The following C9 variants were observed in gnomAD, a reference collection of about 807,000 sequenced individuals.
C9 encodes complement component C9.
Under a neutral mutation model 65.4 loss-of-function variants are expected in C9, and 63 were observed. The observed-to-expected ratio is 0.96, with a 90% CI of 0.79 to 1.19. C9 has a LOEUF of 1.19. C9 is among the 50% of genes most tolerant of loss of function. The pLI is 0.00. For missense variants in C9, 744 were observed against 670.1 expected, an observed-to-expected ratio of 1.11 and a Z score of -1.22; for synonymous variants, 229 against 227.9, an observed-to-expected ratio of 1.00 and a Z score of -0.04.
In C9 at chr5:39,308,443, A is replaced by T. The variant is rs1012432672; in HGVS notation, c.1112-85T>A. 15 of 984,366 alleles carry T rather than the reference A, an allele frequency of 1.5e-5. 1 individual carries two copies. The highest frequency in any genetic ancestry group is 2.2e-4 in the Middle Eastern group (1 of 4,482). The allele number at this position is 984,366 out of a possible 1,614,324, so 61.0% of individuals were successfully genotyped here. ...TCCAATTTTGCTATTTTCAAGCAAC[A>T]TCCTTACTTAGGTTCCTATACACCA... is the stretch of plus-strand genomic sequence containing the variant. On this transcript the variant is annotated intron_variant, in intron 7 of 10. Transcript: ENST00000263408.
At chr5:39,291,076 A>G (rs995740979) in intron 9 of C9, among the ~76,000 whole-genome samples, 2 of 151,942 alleles carry the variant, frequency 1.3e-5, no homozygotes, top group African/African-American at 2.4e-5. Context: ...ACAAGGAAAT[A>G]ACACAACATG....
intron 1 of C9, among the ~76,000 whole-genome samples, chr5:39,355,553 G>C (rs759664610): frequency 3.3e-5 from 5 of 151,924 alleles, no homozygotes; most frequent in African/African-American, 4.8e-5. Context: ...CCCGGACTGT[G>C]ACTTGAATTC....
At chr5:39,296,668 A>T (rs1339013758) in intron 9 of C9, among the ~76,000 whole-genome samples, 1 of 151,700 alleles carries the variant, frequency 6.6e-6, no homozygotes, top group Non-Finnish European at 1.5e-5. Context: ...AGCATTATTC[A>T]CAGTAGCCAC....
chr5:39,306,767 T>G lies in C9; in HGVS notation c.1266A>C (p.Ile422=), dbSNP rs1426275297. The G allele has an allele frequency of 6.2e-7, 1 of 1,612,472 alleles. No individual in the cohort carries two copies. The highest frequency in any genetic ancestry group is 8.5e-7 in the Non-Finnish European group (1 of 1,178,658). ...CTCTTATGAGTGAAACAACATCATC[T>G]ATGAGGTTTTCACTGGTGATGTTTA... ...RAVNITSENL[I]DDVVSLIRGG... The change falls in exon 9 of 11, where the codon ATA becomes ATC. Residue 422 remains isoleucine (I), a synonymous_variant. Transcript: ENST00000263408.
At chr5:39,327,040 G>A (rs753558313) in intron 5 of C9, among the ~76,000 whole-genome samples, 49 of 151,934 alleles carry the variant, frequency 3.2e-4, no homozygotes, top group South Asian at 2.1e-4. Context: ...CAAAAAGCAC[G>A]TATTATACAG....
chr5:39,348,515 G>A (rs1754252161), intron 1 of C9, among the ~76,000 whole-genome samples: 2 of 152,146 alleles, frequency 1.3e-5, no homozygotes, highest in African/African-American at 2.4e-5. Context: ...AAAAAGTCAG[G>A]AAACAACTGG....
chr5:39,310,897 T>C (rs1753469805), intron 7 of C9, among the ~76,000 whole-genome samples: 1 of 152,202 alleles, frequency 6.6e-6, no homozygotes, highest in Non-Finnish European at 1.5e-5. Flanking sequence ...TGCAATACAA[T>C]GGATCCATCT....
chr5:39,286,744 A>C (rs1444725895), intron 10 of C9, among the ~76,000 whole-genome samples: 1 of 151,924 alleles, frequency 6.6e-6, no homozygotes. Context: ...GCAAAGCACT[A>C]GATTGAGACT....
At chr5:39,345,110 C>G (rs569688990) in intron 1 of C9, among the ~76,000 whole-genome samples, 30 of 152,076 alleles carry the variant, frequency 2.0e-4, no homozygotes, top group Non-Finnish European at 4.1e-4. Context: ...GAAACTGCAT[C>G]AACTAATGAG....
At position 39,316,035 on chromosome 5, in the gene C9, A is replaced by G; in HGVS notation, c.616-6T>C. ...AAATTTTTCTCGCCTTTGGTCTAAAAGAGAATAAAAAAGTGTTGTTAAAAA... is the reference window on the plus strand; with the variant it reads ...AAATTTTTCTCGCCTTTGGTCTAAAGGAGAATAAAAAAGTGTTGTTAAAAA... On this transcript the variant is annotated splice_region_variant and splice_polypyrimidine_tract_variant and intron_variant, in intron 5 of 10. Coordinates refer to ENST00000263408, the MANE Select transcript of C9 (RefSeq NM_001737.5). 1.2e-6 allele frequency: 2 copies of G among 1,608,392 alleles called. No homozygotes were observed. Among genetic ancestry groups the G allele is most frequent in the Non-Finnish European group, 1.7e-6 (2 of 1,176,076 alleles).
intron 9 of C9, among the ~76,000 whole-genome samples, chr5:39,296,496 G>T (rs1438013736): frequency 1.3e-5 from 2 of 151,524 alleles, no homozygotes; most frequent in Non-Finnish European, 3.0e-5. Context: ...CACTGTTGGT[G>T]GGAATGTAAA....
In C9 at chr5:39,288,847, T is replaced by C; in HGVS notation, c.1521A>G (p.Val507=). 1.2e-6 allele frequency: 2 copies of C among 1,610,888 alleles called. No homozygotes were observed. The highest frequency in any genetic ancestry group is 1.7e-6 in the Non-Finnish European group (2 of 1,177,452). Reference sequence around the variant, plus strand: ...CATTTTGGCATGTGTGGCATTTTCTTACACTAAATTCATTGATATAGTCTT... The same window carrying C: ...CATTTTGGCATGTGTGGCATTTTCTCACACTAAATTCATTGATATAGTCTT... ...AIEDYINEFS[V]RKCHTCQNGG... is the part of the protein sequence containing the mutation. The change falls in exon 10 of 11, where the codon GTA becomes GTG. Residue 507 remains valine (V), a synonymous_variant. Transcript: ENST00000263408.
intron 8 of C9, among the ~76,000 whole-genome samples, chr5:39,307,996 G>A (rs1012121282): frequency 1.3e-5 from 2 of 152,136 alleles, no homozygotes; most frequent in African/African-American, 4.8e-5. Flanking sequence ...AATGACTACC[G>A]TGTGAATCAC....
intron 5 of C9, among the ~76,000 whole-genome samples, chr5:39,327,346 C>T (rs1014177034): frequency 6.6e-6 from 1 of 152,142 alleles, no homozygotes; most frequent in Admixed American, 6.5e-5. Flanking sequence ...ACTAAGAACA[C>T]TATTTTGAGT....
intron 8 of C9, 68 bp from the exon 9 acceptor site, chr5:39,306,860 C>T (rs1753390860): frequency 9.1e-7 from 1 of 1,093,120 alleles, no homozygotes. Context: ...ATCAAAAGGA[C>T]ATATGATAAA....
intron 1 of C9, among the ~76,000 whole-genome samples, chr5:39,360,440 T>C (rs192764497): frequency 1.1e-4 from 17 of 152,272 alleles, no homozygotes; most frequent in Non-Finnish European, 2.1e-4. Context: ...AATCTAGTAC[T>C]CCTTAGTTAT....
chr5:39,343,085 C>T (rs1466878289), intron 1 of C9, among the ~76,000 whole-genome samples: 1 of 152,176 alleles, frequency 6.6e-6, no homozygotes, highest in Non-Finnish European at 1.5e-5. Flanking sequence ...AGCTCGTTTA[C>T]AGCTCCCAGC....
chr5:39,332,873 A>G (rs1022471858), intron 4 of C9, among the ~76,000 whole-genome samples: 3 of 152,252 alleles, frequency 2.0e-5, no homozygotes, highest in Admixed American at 6.5e-5. Flanking sequence ...GTTAAAAACA[A>G]CATCTTTATA....
Position 39,315,847 on chromosome 5 carries a change from G to A in C9, c.798C>T (p.Gly266=), listed in dbSNP as rs1254820923. 1 of 1,610,388 alleles carries A rather than the reference G, an allele frequency of 6.2e-7. No homozygotes were observed. The highest frequency in any genetic ancestry group is 8.5e-7 in the Non-Finnish European group (1 of 1,176,892). The change falls in exon 6 of 11, where the codon GGC becomes GGT. Residue 266 remains glycine, a synonymous_variant. Coordinates refer to ENST00000263408, the MANE Select transcript of C9 (RefSeq NM_001737.5). ...EETASSISLH[G]KGSFRFSYSK... The stretch of plus-strand genomic sequence containing the variant: ...AATATGAAAACCGAAAACTACCCTT[G>A]CCATGTAAAGAAATTGAGGAGGCTG...
Sources: allele counts gnomAD v4.1 joint callset (sites outside exome capture counted in the v4.1 genomes callset), GRCh38; gene constraint gnomAD v4.1.1; transcripts MANE v1.5; gene names NCBI Gene and HGNC (gene_info 2026-07-23, HGNC 2026-07-21).